Variants in SESTD1 observed in about 807,000 individuals in gnomAD.
SESTD1 encodes SEC14 and spectrin domain containing 1, also known as SEC14 domain and spectrin repeat-containing protein 1.
A neutral mutation model predicts 101.7 loss-of-function variants in SESTD1; 43 were observed. That is an observed-to-expected ratio of 0.42 (90% CI 0.33 to 0.55). SESTD1 has a LOEUF of 0.55. SESTD1 is among the 20% of genes least tolerant of loss of function. SESTD1 has a pLI of 0.07. For missense variants in SESTD1, 647 were observed against 815.1 expected, an observed-to-expected ratio of 0.79 and a Z score of 2.51; for synonymous variants, 283 against 286.8, an observed-to-expected ratio of 0.99 and a Z score of 0.13.
chr2:179,226,616 TC>T (rs2046890179), intron 1 of SESTD1, among the ~76,000 whole-genome samples: 1 of 152,202 alleles, frequency 6.6e-6, no homozygotes, highest in Non-Finnish European at 1.5e-5. Context: ...AGGTTAATAA[TC>T]AATAAATGTC....
chr2:179,110,143 T>A, intron 17 of SESTD1, 115 bp from the exon 18 acceptor site: 1 of 971,646 alleles, frequency 1.0e-6, no homozygotes, highest in Non-Finnish European at 1.5e-6. Flanking sequence ...AGCCTATGTG[T>A]AAATATCAGT....
At chr2:179,197,008 CTG>C (rs2046409354) in intron 1 of SESTD1, among the ~76,000 whole-genome samples, 1 of 152,164 alleles carries the variant, frequency 6.6e-6, no homozygotes, top group African/African-American at 2.4e-5. Context: ...TCAAATTTCT[CTG>C]TACCTACGGG....
rs1574035408 is a variant in SESTD1 at position 179,205,916 on chromosome 2, A to C, written c.-25-14050T>G. Among the ~76,000 whole-genome samples the C allele has an allele frequency of 1.5e-5, 2 of 135,054 alleles. 1 individual carries two copies. The highest frequency in any genetic ancestry group is 4.0e-4 in the East Asian group (2 of 5,026). The allele number at this position is 135,054 out of a possible 152,430, so 88.6% of individuals were successfully genotyped here. ...TAATTATCACTGTACCACTAGGTCA[A>C]ATTTAATTTAATTTTTCAAAAGTTA... On this transcript the variant is annotated intron_variant, in intron 1 of 17. Coordinates refer to ENST00000428443, the MANE Select transcript of SESTD1 (RefSeq NM_178123.5).
intron 2 of SESTD1, among the ~76,000 whole-genome samples, chr2:179,188,173 G>T (rs773410471): frequency 3.9e-5 from 6 of 151,922 alleles, no homozygotes; most frequent in African/African-American, 1.2e-4. Flanking sequence ...CCAACCACAG[G>T]CTCAGCCATA....
chr2:179,168,805 C>A (rs1202975482), intron 5 of SESTD1, among the ~76,000 whole-genome samples: 1 of 152,052 alleles, frequency 6.6e-6, no homozygotes. Flanking sequence ...CAAAAAAATG[C>A]AGCAATGTAG....
chr2:179,124,555 A>G lies in SESTD1; in HGVS notation c.976T>C (p.Trp326Arg), dbSNP rs199505376. 1 of 1,609,884 alleles carries G rather than the reference A, an allele frequency of 6.2e-7. No individual in the cohort carries two copies. Among genetic ancestry groups the G allele is most frequent in the Admixed American group, 1.7e-5 (1 of 59,844 alleles). The change falls in exon 11 of 18, where the codon TGG (tryptophan) becomes CGG (arginine). Residue 326 changes from tryptophan to arginine, a missense_variant. This residue lies in a region of SESTD1 where 476 missense variants were observed against 562.6 expected (regional missense o/e 0.85). Coordinates refer to ENST00000428443, the MANE Select transcript of SESTD1 (RefSeq NM_178123.5). ...TTAAGTTCCACATACACTGCAAACC[A>G]TTCCTGTAATCAAGATGTTACAAAG... is the stretch of plus-strand genomic sequence containing the variant. ...HEEIESQHSEWFAVYVELNQQ... is the reference protein window; with the variant it reads ...HEEIESQHSERFAVYVELNQQ...
rs1024695834 is a variant in SESTD1, at chr2:179,173,451, A to G, written c.256-1218T>C. ...TGTCACCCCTATATTTCCAGTGTTT[A>G]TGACAAATATCTCACATATATAATA... On this transcript the variant is annotated intron_variant, in intron 4 of 17. Coordinates refer to ENST00000428443, the MANE Select transcript of SESTD1 (RefSeq NM_178123.5). 2.0e-5 allele frequency among the ~76,000 whole-genome samples: 3 copies of G among 152,198 alleles called. No homozygotes were observed. The South Asian group carries it at 6.2e-4, about 32-fold the overall frequency.
intron 4 of SESTD1, among the ~76,000 whole-genome samples, chr2:179,175,456 A>G (rs2045995001): frequency 6.6e-6 from 1 of 152,158 alleles, no homozygotes; most frequent in Non-Finnish European, 1.5e-5. Flanking sequence ...CTTTCTTTCA[A>G]TATCACTGAT....
intron 1 of SESTD1, among the ~76,000 whole-genome samples, chr2:179,245,341 C>T (rs1322664928): frequency 6.6e-6 from 1 of 152,018 alleles, no homozygotes; most frequent in South Asian, 2.1e-4. Flanking sequence ...TATGGTGAAA[C>T]CCTGTCTCTA....
intron 1 of SESTD1, among the ~76,000 whole-genome samples, chr2:179,206,294 C>T (rs1176548309): frequency 7.4e-6 from 1 of 135,808 alleles, no homozygotes; most frequent in Non-Finnish European, 1.6e-5. Flanking sequence ...TGGCTTGCTG[C>T]TGCAAACACC....
At chr2:179,143,562 G>C in intron 9 of SESTD1, 30 bp downstream of exon 9, 2 of 1,588,424 alleles carry the variant, frequency 1.3e-6, no homozygotes, top group East Asian at 2.2e-5. Flanking sequence ...GAATTAAAAA[G>C]AGTTAAATAT....
chr2:179,227,615 A>C (rs2046907707), intron 1 of SESTD1, among the ~76,000 whole-genome samples: 1 of 152,212 alleles, frequency 6.6e-6, no homozygotes, highest in Non-Finnish European at 1.5e-5. Flanking sequence ...GAACTATGAT[A>C]ATTGTTTCCT....
intron 1 of SESTD1, among the ~76,000 whole-genome samples, chr2:179,215,719 G>T (rs2046711051): frequency 7.4e-6 from 1 of 134,850 alleles, no homozygotes; most frequent in Non-Finnish European, 1.6e-5. Context: ...TATCCCCGAT[G>T]AACACTGATG....
intron 9 of SESTD1, among the ~76,000 whole-genome samples, chr2:179,135,054 C>A (rs1190050255): frequency 1.3e-5 from 2 of 152,102 alleles, no homozygotes; most frequent in Non-Finnish European, 2.9e-5. Flanking sequence ...AAGCGATTCT[C>A]CTGTCTCAGC....
intron 3 of SESTD1, among the ~76,000 whole-genome samples, chr2:179,182,420 A>G (rs72951276): frequency 0.017 from 2,543 of 152,298 alleles, 29 homozygotes; most frequent in South Asian, 0.027. Context: ...AATCTCTGGA[A>G]GTGAACCCTC....
At chr2:179,248,542 T>C (rs931219723) in intron 1 of SESTD1, among the ~76,000 whole-genome samples, 1 of 150,900 alleles carries the variant, frequency 6.6e-6, no homozygotes, top group African/African-American at 2.4e-5. Context: ...TCAAGGGGGG[T>C]TTATTGCAGG....
In SESTD1 at chr2:179,172,175, T is replaced by C; in HGVS notation, c.314A>G (p.Asp105Gly). 1 of 1,610,492 alleles carries C rather than the reference T, an allele frequency of 6.2e-7. No homozygotes were observed. The highest frequency in any genetic ancestry group is 8.5e-7 in the Non-Finnish European group (1 of 1,177,764). Residue 105 changes from aspartate to glycine, a missense_variant, in exon 5 of 18, where the codon GAT becomes GGT. Physicochemically the swap from Asp to Gly is moderately conservative, Grantham distance 94. Around this residue, in one of 3 missense-constraint regions of SESTD1, gnomAD observed 168 missense variants for 235.1 expected, o/e 0.71. Coordinates refer to ENST00000428443, the MANE Select transcript of SESTD1 (RefSeq NM_178123.5). The part of the protein sequence containing the change: ...VCVVKPDEFW[D>G]KKVTHFCFWK... Reference sequence around the variant, plus strand: ...AAAACAAAAATGCGTTACTTTCTTATCCCAGAATTCATCTGGCTTTACCAC... The same window carrying C: ...AAAACAAAAATGCGTTACTTTCTTACCCCAGAATTCATCTGGCTTTACCAC...
chr2:179,213,200 C>G (rs553946153), intron 1 of SESTD1, among the ~76,000 whole-genome samples: 4 of 134,116 alleles, frequency 3.0e-5, no homozygotes, highest in Admixed American at 1.5e-4. Flanking sequence ...CAAAGTTCTC[C>G]GAGCTAAAGG....
At chr2:179,137,506 G>A (rs1011383146) in intron 9 of SESTD1, among the ~76,000 whole-genome samples, 3 of 152,194 alleles carry the variant, frequency 2.0e-5, no homozygotes, top group Admixed American at 6.5e-5. Flanking sequence ...GATGATTCTA[G>A]AAATAACATT....
Sources: allele counts gnomAD v4.1 joint callset (sites outside exome capture counted in the v4.1 genomes callset), GRCh38; gene constraint gnomAD v4.1.1; regional missense constraint gnomAD v4.1.1; transcripts MANE v1.5; gene names NCBI Gene and HGNC (gene_info 2026-07-23, HGNC 2026-07-21).